The following ERP27 variants were observed in gnomAD, a reference collection of about 807,000 sequenced individuals.
The protein encoded by ERP27 is endoplasmic reticulum resident protein 27.
Under a neutral mutation model 27.7 loss-of-function variants are expected in ERP27, and 23 were observed. The ratio of observed to expected loss-of-function variants is 0.83; its 90% CI spans 0.60 to 1.18. The LOEUF is 1.18. Ranked by LOEUF, ERP27 falls within the 50% of genes most tolerant of loss-of-function variation. ERP27 has a pLI of 0.00. For synonymous variants in ERP27, 159 were observed against 118.3 expected, an observed-to-expected ratio of 1.34 and a Z score of -2.23; for missense variants, 363 against 327.9, an observed-to-expected ratio of 1.11 and a Z score of -0.83.
chr12:14,926,250 A>G (rs974185141), intron 3 of ERP27, among the ~76,000 whole-genome samples: 1 of 152,202 alleles, frequency 6.6e-6, no homozygotes, highest in Non-Finnish European at 1.5e-5. Context: ...CTTTCTCTCT[A>G]GGAATCCTTG....
rs1592271293 is a variant in ERP27, at chr12:14,914,750, T to C, written c.807A>G (p.Pro269=). ...CAAGGAGAAGTCAGAGTTCCACCTT[T>C]GGAGTCTTTCCTTCTGATTCACGAT... ...KENRESEGKT[P]KVEL is the part of the protein sequence containing the mutation. Residue 269 remains proline, a synonymous_variant, in exon 7 of 7, where the codon CCA becomes CCG. Coordinates refer to ENST00000266397, the MANE Select transcript of ERP27 (RefSeq NM_152321.4). 2 of 1,613,856 alleles carry C rather than the reference T, an allele frequency of 1.2e-6. No homozygotes were observed. The highest frequency in any genetic ancestry group is 2.2e-5 in the East Asian group (1 of 44,888).
In ERP27 at chr12:14,921,031, C is replaced by T; in HGVS notation, c.351G>A (p.Leu117=). The change falls in exon 4 of 7, where the codon CTG becomes CTA. Residue 117 remains leucine (L), a synonymous_variant. Transcript: ENST00000266397. The part of the protein sequence containing the change: ...CLFRLVDNEQ[L]NLEDEDIESI... The stretch of plus-strand genomic sequence containing the variant: ...TTTCAATGTCTTCGTCCTCTAAATT[C>T]AGTTGTTCATTGTCTACCTGGATAA... 1 of 1,613,956 alleles carries T rather than the reference C, an allele frequency of 6.2e-7. No homozygotes were observed. Among genetic ancestry groups the T allele is most frequent in the South Asian group, 1.1e-5 (1 of 91,082 alleles).
At chr12:14,927,744 GCA>G (rs3084565) in intron 3 of ERP27, among the ~76,000 whole-genome samples, 42,396 of 147,970 alleles carry the variant, frequency 0.29, 6,137 homozygotes, top group Non-Finnish European at 0.34. Flanking sequence ...ATGCCTTCAG[GCA>G]CACACACACA....
At chr12:14,926,398 C>T (rs1863603151) in intron 3 of ERP27, among the ~76,000 whole-genome samples, 1 of 152,142 alleles carries the variant, frequency 6.6e-6, no homozygotes, top group Admixed American at 6.5e-5. Flanking sequence ...TTCAATCCAG[C>T]CTGATAATCT....
At chr12:14,917,068 C>T (rs557864075) in intron 5 of ERP27, 110 bp downstream of exon 5, 22 of 1,323,962 alleles carry the variant, frequency 1.7e-5, no homozygotes, top group East Asian at 2.3e-5. Context: ...GCTTTGCTAT[C>T]TCCTAACCAT....
At position 14,921,814 on chromosome 12, in the gene ERP27, G is replaced by A. The variant is rs552736006; in HGVS notation, c.334-766C>T. Reference sequence around the variant, plus strand: ...CTTTTTTTTTTGCCAAAGGTATGCTGACTTTTATGTTGACCATTTTCATCC... The same window carrying A: ...CTTTTTTTTTTGCCAAAGGTATGCTAACTTTTATGTTGACCATTTTCATCC... On this transcript the variant is annotated intron_variant, in intron 3 of 6. Transcript: ENST00000266397. 3.3e-5 allele frequency among the ~76,000 whole-genome samples: 5 copies of A among 151,902 alleles called. No homozygotes were observed. In the East Asian group the frequency reaches 7.7e-4, roughly 23 times the overall value.
Position 14,930,457 on chromosome 12 carries a change from A to G in ERP27, c.333+4399T>C, listed in dbSNP as rs578131554. ...AATCCAAAGCAGGGTAAACATTCAA[A>G]TAATATTTCAAATTCCATTTTAGGA... is the stretch of plus-strand genomic sequence containing the variant. On this transcript the variant is annotated intron_variant, in intron 3 of 6. Transcript: ENST00000266397. 4.6e-5 allele frequency among the ~76,000 whole-genome samples: 7 copies of G among 152,356 alleles called. No homozygotes were observed. In the South Asian group the frequency reaches 8.3e-4, roughly 18 times the overall value.
intron 3 of ERP27, among the ~76,000 whole-genome samples, chr12:14,925,714 G>A (rs1863589813): frequency 6.6e-6 from 1 of 151,934 alleles, no homozygotes; most frequent in African/African-American, 2.4e-5. Context: ...AGGTCACTTG[G>A]TGAATTTTAT....
At chr12:14,936,753 C>G (rs754461508) in intron 2 of ERP27, among the ~76,000 whole-genome samples, 1 of 152,058 alleles carries the variant, frequency 6.6e-6, no homozygotes, top group Non-Finnish European at 1.5e-5. Flanking sequence ...CATTCTCTCT[C>G]CTGCCATCCT....
intron 2 of ERP27, among the ~76,000 whole-genome samples, chr12:14,937,438 A>C (rs4764141): frequency 0.37 from 55,894 of 152,026 alleles, 10,432 homozygotes; most frequent in Middle Eastern, 0.43. Context: ...AAATGCCATC[A>C]TTTTCCAACA....
chr12:14,916,431 G>A (rs1863412618), intron 5 of ERP27, among the ~76,000 whole-genome samples: 1 of 152,102 alleles, frequency 6.6e-6, no homozygotes, highest in South Asian at 2.1e-4. Context: ...TTTGGTGGGG[G>A]AAATTAAATG....
intron 3 of ERP27, among the ~76,000 whole-genome samples, chr12:14,921,749 C>A (rs1365667928): frequency 1.3e-5 from 2 of 152,096 alleles, no homozygotes; most frequent in Non-Finnish European, 2.9e-5. Context: ...TTGCTAGAAC[C>A]CCTGAAGTCC....
At chr12:14,918,827 T>A (rs968742586) in intron 4 of ERP27, among the ~76,000 whole-genome samples, 1 of 152,212 alleles carries the variant, frequency 6.6e-6, no homozygotes, top group Non-Finnish European at 1.5e-5. Flanking sequence ...TTTTAGATTT[T>A]TCATTTGGGA....
At chr12:14,927,622 G>A (rs1178894424) in intron 3 of ERP27, among the ~76,000 whole-genome samples, 3 of 152,046 alleles carry the variant, frequency 2.0e-5, no homozygotes, top group African/African-American at 4.8e-5. Flanking sequence ...TTCTAGAACT[G>A]ACCAAAGCCG....
Position 14,937,997 on chromosome 12 carries a change from C to T in ERP27, c.150G>A (p.Met50Ile). ...CCACCTCAGTGGCAGCAATGAATTC[C>T]ATGGCAGCTGGGACATCTGTGAGCC... ...PTWLTDVPAAMEFIAATEVAV... is the reference protein window; with the variant it reads ...PTWLTDVPAAIEFIAATEVAV... The change falls in exon 2 of 7, where the codon ATG becomes ATA. Residue 50 changes from methionine to isoleucine, a missense_variant. Coordinates refer to ENST00000266397, the MANE Select transcript of ERP27 (RefSeq NM_152321.4). The T allele has an allele frequency of 6.2e-7, 1 of 1,614,086 alleles. No individual in the cohort carries two copies. Among genetic ancestry groups the T allele is most frequent in the East Asian group, 2.2e-5 (1 of 44,872 alleles).
chr12:14,931,281 G>A (rs940642337), intron 3 of ERP27, among the ~76,000 whole-genome samples: 8 of 145,816 alleles, frequency 5.5e-5, no homozygotes, highest in African/African-American at 2.0e-4. Flanking sequence ...CAAGCAAACC[G>A]AACAAACTGG....
chr12:14,930,005 G>A (rs1240131253), intron 3 of ERP27, among the ~76,000 whole-genome samples: 1 of 151,462 alleles, frequency 6.6e-6, no homozygotes, highest in Non-Finnish European at 1.5e-5. Context: ...TCACACACCA[G>A]GGCCTGTAGG....
chr12:14,931,684 A>T (rs1008678306), intron 3 of ERP27, among the ~76,000 whole-genome samples: 1 of 152,204 alleles, frequency 6.6e-6, no homozygotes, highest in Non-Finnish European at 1.5e-5. Context: ...TGAGGAATAA[A>T]TTGTAAGCAA....
At chr12:14,925,941 C>A (rs2120587117) in intron 3 of ERP27, among the ~76,000 whole-genome samples, 1 of 152,104 alleles carries the variant, frequency 6.6e-6, no homozygotes, top group Non-Finnish European at 1.5e-5. Flanking sequence ...TGGTGGCATG[C>A]ACCTGTTGTC....
Sources: gnomAD v4.1 joint callset for allele counts (sites outside exome capture counted in the v4.1 genomes callset) on GRCh38, gnomAD v4.1.1 for gene constraint, MANE v1.5 for transcripts, NCBI Gene and HGNC (gene_info 2026-07-23, HGNC 2026-07-21) for gene names.